KCNH1: variants seen among roughly 807,000 people sequenced by gnomAD.
The protein encoded by KCNH1 is potassium voltage-gated channel subfamily H member 1, also known as voltage-gated delayed rectifier potassium channel KCNH1.
A neutral mutation model predicts 69.2 loss-of-function variants in KCNH1; 27 were observed. That is an observed-to-expected ratio of 0.39 (90% CI 0.29 to 0.54). The LOEUF (loss-of-function observed/expected upper bound fraction) is 0.54, where lower values mean the gene tolerates loss of function less well. KCNH1 is among the 20% of genes least tolerant of loss of function. The probability of loss-of-function intolerance (pLI) is 0.68; values close to 1 mark genes in which losing one functional copy is unlikely to be tolerated. For missense variants in KCNH1, 798 were observed against 1,261.6 expected, an observed-to-expected ratio of 0.63 and a Z score of 5.57; for synonymous variants, 456 against 487.7, an observed-to-expected ratio of 0.93 and a Z score of 0.86.
At chr1:210,750,423 T>A (rs1018840224) in intron 10 of KCNH1, among the ~76,000 whole-genome samples, 2 of 152,018 alleles carry the variant, frequency 1.3e-5, no homozygotes, top group Non-Finnish European at 2.9e-5. Context: ...TCGAAAACAT[T>A]TAAAGGCAGC....
At chr1:211,024,099 T>G (rs1242995811) in intron 5 of KCNH1, among the ~76,000 whole-genome samples, 1 of 152,158 alleles carries the variant, frequency 6.6e-6, no homozygotes, top group African/African-American at 2.4e-5. Context: ...TTAAATATAT[T>G]TATTGCTCTA....
intron 10 of KCNH1, among the ~76,000 whole-genome samples, chr1:210,733,949 TCACACACACACA>T (rs142236390): frequency 1.2e-5 from 1 of 80,450 alleles, no homozygotes; most frequent in Non-Finnish European, 2.5e-5. Context: ...TCTGTCTGTC[TCACACACACACA>T]CACACACACA....
chr1:210,766,402 GT>G (rs1371559731), intron 10 of KCNH1, among the ~76,000 whole-genome samples: 3 of 152,262 alleles, frequency 2.0e-5, no homozygotes, highest in African/African-American at 7.2e-5. Context: ...GCACATGCCT[GT>G]AATTCCAGCT....
chr1:211,059,755 G>A, intron 5 of KCNH1, among the ~76,000 whole-genome samples: 1 of 147,846 alleles, frequency 6.8e-6, no homozygotes, highest in East Asian at 2.0e-4. Context: ...GAAAAAAAGA[G>A]TGAGAGAGAG....
intron 7 of KCNH1, chr1:210,858,291 C>A (rs1031478513): frequency 1.3e-5 from 2 of 152,120 alleles, no homozygotes; most frequent in African/African-American, 4.8e-5. Flanking sequence ...TCTACACTGA[C>A]AGCTTTAAGA....
chr1:211,024,083 A>G (rs938121383), intron 5 of KCNH1, among the ~76,000 whole-genome samples: 5 of 152,242 alleles, frequency 3.3e-5, no homozygotes, highest in Non-Finnish European at 7.3e-5. Context: ...TATCAATTAA[A>G]AACGTTTAAA....
At chr1:210,971,667 C>T (rs1484380030) in intron 6 of KCNH1, among the ~76,000 whole-genome samples, 1 of 151,280 alleles carries the variant, frequency 6.6e-6, no homozygotes, top group East Asian at 2.0e-4. Flanking sequence ...CTGAAATCAG[C>T]GATGGAAAAG....
intron 7 of KCNH1, chr1:210,861,520 A>C: frequency 1.3e-6 from 1 of 773,344 alleles, no homozygotes. Context: ...ATGATAACTC[A>C]GGTCGGTCAT....
intron 6 of KCNH1, among the ~76,000 whole-genome samples, chr1:210,945,251 A>G (rs927419606): frequency 6.6e-6 from 1 of 152,232 alleles, no homozygotes; most frequent in African/African-American, 2.4e-5. Flanking sequence ...AGGTCTCAGG[A>G]TGCAGTACTT....
rs372057775 is a variant in KCNH1 at position 211,021,043 on chromosome 1, G to A, written c.559-1787C>T. On this transcript the variant is annotated intron_variant, in intron 5 of 10. Transcript: ENST00000271751. ...ATTGGAGACTATGATTCTAAGTGAA[G>A]TAACTCAGAAATGGAAAACCAAACA... 6.6e-4 allele frequency among the ~76,000 whole-genome samples: 100 copies of A among 152,270 alleles called. 1 individual carries two copies. The South Asian group carries it at 0.021, about 32-fold the overall frequency.
rs112564943 is a variant in KCNH1, at chr1:210,867,259, G to T, written c.1462+52381C>A. Among the ~76,000 whole-genome samples, 265 of 151,428 alleles carry T rather than the reference G, an allele frequency of 1.8e-3. 4 individuals are homozygous for T. Among genetic ancestry groups the T allele is most frequent in the African/African-American group, 6.0e-3 (248 of 41,310 alleles). ...ATTGTACATTTTAATTATGCAAATT[G>T]TATGGTAGGTGAGTTTTATTTCAAT... On this transcript the variant is annotated intron_variant, in intron 7 of 10. Transcript: ENST00000271751.
intron 9 of KCNH1, among the ~76,000 whole-genome samples, chr1:210,786,482 C>G (rs998636520): frequency 6.6e-6 from 1 of 152,138 alleles, no homozygotes; most frequent in Non-Finnish European, 1.5e-5. Flanking sequence ...CTCCTGGTCT[C>G]TCCTCCTTTT....
At chr1:210,758,819 C>G (rs1171260922) in intron 10 of KCNH1, among the ~76,000 whole-genome samples, 5 of 152,300 alleles carry the variant, frequency 3.3e-5, no homozygotes, top group African/African-American at 1.2e-4. Flanking sequence ...GAATCCATCC[C>G]CAGTGAAGGC....
intron 10 of KCNH1, among the ~76,000 whole-genome samples, chr1:210,707,983 A>C (rs183671885): frequency 6.6e-6 from 1 of 152,334 alleles, no homozygotes; most frequent in East Asian, 1.9e-4. Flanking sequence ...ATTCAGGCAC[A>C]TGGCAAGGCT....
intron 10 of KCNH1, among the ~76,000 whole-genome samples, chr1:210,762,000 C>T (rs1049424342): frequency 1.3e-5 from 2 of 152,094 alleles, no homozygotes; most frequent in African/African-American, 4.8e-5. Context: ...CTTGGTCATA[C>T]AGCAAGTCTC....
intron 6 of KCNH1, among the ~76,000 whole-genome samples, chr1:210,974,514 A>G (rs910323954): frequency 2.0e-5 from 3 of 150,678 alleles, no homozygotes; most frequent in Admixed American, 2.0e-4. Context: ...CTTTATTATC[A>G]GAGTACTACT....
chr1:211,034,380 G>A (rs2102426028), intron 5 of KCNH1, among the ~76,000 whole-genome samples: 1 of 151,998 alleles, frequency 6.6e-6, no homozygotes, highest in South Asian at 2.1e-4. Flanking sequence ...CAAAATTATA[G>A]AAAGAGACTT....
intron 7 of KCNH1, among the ~76,000 whole-genome samples, chr1:210,815,593 C>T (rs977210361): frequency 3.9e-5 from 6 of 152,120 alleles, no homozygotes; most frequent in African/African-American, 9.7e-5. Flanking sequence ...TCACCACCGC[C>T]CCACTCCACC....
At chr1:211,000,360 A>G (rs1172293345) in intron 6 of KCNH1, among the ~76,000 whole-genome samples, 1 of 152,212 alleles carries the variant, frequency 6.6e-6, no homozygotes, top group African/African-American at 2.4e-5. Context: ...GCATTCTTAT[A>G]CACCACTAAC....
Sources: allele counts gnomAD v4.1 joint callset (sites outside exome capture counted in the v4.1 genomes callset), GRCh38; gene constraint gnomAD v4.1.1; transcripts MANE v1.5; gene names NCBI Gene and HGNC (gene_info 2026-07-23, HGNC 2026-07-21).